The following EIF4E3 variants were observed in gnomAD, a reference collection of about 807,000 sequenced individuals.
EIF4E3 encodes eukaryotic translation initiation factor 4E family member 3, also known as eukaryotic translation initiation factor 4E type 3.
EIF4E3 carries 26 observed loss-of-function variants against 31.7 expected under a neutral mutation model. That is an observed-to-expected ratio of 0.82 (90% confidence interval 0.60 to 1.14). EIF4E3 has a LOEUF of 1.14. Ranked by LOEUF, EIF4E3 falls within the 50% of genes most tolerant of loss-of-function variation. EIF4E3 has a pLI of 0.00. For synonymous variants in EIF4E3, 128 were observed against 107.7 expected, an observed-to-expected ratio of 1.19 and a Z score of -1.17; for missense variants, 304 against 270.9, an observed-to-expected ratio of 1.12 and a Z score of -0.86.
At chr3:71,672,506 C>T (rs868096188), downstream of EIF4E3, among the ~76,000 whole-genome samples, 3 of 152,260 alleles carry the variant, frequency 2.0e-5, no homozygotes, top group Middle Eastern at 0.01. Context: ...GAAGATGGCT[C>T]TCAGATATCC....
At chr3:71,712,633 G>GGC (rs2049396195) in intron 1 of EIF4E3, among the ~76,000 whole-genome samples, 1 of 99,198 alleles carries the variant, frequency 1.0e-5, no homozygotes, top group Non-Finnish European at 2.0e-5. Context: ...TGTTGCGGGG[G>GGC]GTGGGCGGGG....
At chr3:71,668,721 C>T in the EIF4E3 span, among the ~76,000 whole-genome samples, 15 of 152,186 alleles carry the variant, frequency 9.9e-5, no homozygotes, top group Admixed American at 7.2e-4. Context: ...GTTAGAATGG[C>T]GATCATTAAA....
intron 1 of EIF4E3, among the ~76,000 whole-genome samples, chr3:71,714,273 A>AAGGAAGGAAG (rs1559602527): frequency 3.2e-5 from 4 of 125,280 alleles, no homozygotes; most frequent in East Asian, 2.1e-4. Context: ...AAGGAAGGAA[A>AAGGAAGGAAG]GAAGGAAGGA....
chr3:71,747,640 T>G (rs1039278727), intron 1 of EIF4E3, among the ~76,000 whole-genome samples: 2 of 152,196 alleles, frequency 1.3e-5, no homozygotes, highest in African/African-American at 4.8e-5. Flanking sequence ...AATTTATGTA[T>G]TTTTTTCTTT....
chr3:71,748,550 G>T (rs2049896057), intron 1 of EIF4E3, among the ~76,000 whole-genome samples: 1 of 152,158 alleles, frequency 6.6e-6, no homozygotes. Flanking sequence ...CTGCTGAGAA[G>T]AATACCTGTG....
intron 2 of EIF4E3, among the ~76,000 whole-genome samples, chr3:71,705,076 G>T (rs2049270681): frequency 6.6e-6 from 1 of 152,124 alleles, no homozygotes. Flanking sequence ...TCTCTTTTCA[G>T]TGTTGGCTTT....
At chr3:71,659,474 G>A in the EIF4E3 span, among the ~76,000 whole-genome samples, 3 of 152,196 alleles carry the variant, frequency 2.0e-5, no homozygotes, top group African/African-American at 7.2e-5. Context: ...TGTGACAGGG[G>A]CACAGATCGT....
At chr3:71,669,548 A>G in the EIF4E3 span, among the ~76,000 whole-genome samples, 1 of 152,244 alleles carries the variant, frequency 6.6e-6, no homozygotes, top group East Asian at 1.9e-4. Flanking sequence ...TGAAATATAC[A>G]AATGGATACG....
chr3:71,699,181 G>A (rs1267093974), intron 3 of EIF4E3, among the ~76,000 whole-genome samples: 1 of 151,978 alleles, frequency 6.6e-6, no homozygotes, highest in African/African-American at 2.4e-5. Context: ...GAGCCGTGAT[G>A]GTGCCACTGC....
At position 71,691,736 on chromosome 3, in the gene EIF4E3, C is replaced by A. The variant is rs544781489; in HGVS notation, c.473-1571G>T. Among the ~76,000 whole-genome samples, 3 of 152,308 alleles carry A rather than the reference C, an allele frequency of 2.0e-5. No homozygotes were observed. In the South Asian group the frequency reaches 6.2e-4, roughly 32 times the overall value. On this transcript the variant is annotated intron_variant, in intron 5 of 6. Coordinates refer to ENST00000425534, the MANE Select transcript of EIF4E3 (RefSeq NM_001134651.2). ...AACAAAAGAGTCAAAAAACATAGTA[C>A]CTTGTCATGGCCATTCACAGAAACT...
At chr3:71,694,667 T>C (rs1559592522) in intron 4 of EIF4E3, among the ~76,000 whole-genome samples, 1 of 152,176 alleles carries the variant, frequency 6.6e-6, no homozygotes, top group East Asian at 1.9e-4. Flanking sequence ...TTATCCTCCT[T>C]CCTGTGATTC....
intron 1 of EIF4E3, 27 bp from the exon 2 acceptor site, chr3:71,710,511 C>T: frequency 3.9e-6 from 6 of 1,551,230 alleles, no homozygotes; most frequent in South Asian, 1.2e-5. Flanking sequence ...AGGACAAAGA[C>T]ACAAACAAAA....
intron 1 of EIF4E3, among the ~76,000 whole-genome samples, chr3:71,714,271 AAAGAAGGAAG>A (rs2049429094): frequency 8.4e-6 from 1 of 118,810 alleles, no homozygotes; most frequent in African/African-American, 4.0e-5. Context: ...GGAAGGAAGG[AAAGAAGGAAG>A]GAAGGAAGGA....
At chr3:71,733,394 G>A (rs893439049) in intron 1 of EIF4E3, among the ~76,000 whole-genome samples, 13 of 152,134 alleles carry the variant, frequency 8.5e-5, no homozygotes, top group Non-Finnish European at 2.9e-5. Context: ...TTTCATTTAC[G>A]GTTCATAGAT....
intron 1 of EIF4E3, among the ~76,000 whole-genome samples, chr3:71,751,804 C>T (rs964667495): frequency 3.9e-5 from 6 of 152,072 alleles, no homozygotes; most frequent in Admixed American, 3.3e-4. Context: ...GCTGGGGCGT[C>T]GGCAGCCTAC....
At chr3:71,671,742 T>C (rs2048848653), downstream of EIF4E3, among the ~76,000 whole-genome samples, 1 of 151,992 alleles carries the variant, frequency 6.6e-6, no homozygotes, top group Admixed American at 6.5e-5. Flanking sequence ...GCTGCCCACA[T>C]ATTAAAGGAA....
In EIF4E3 at chr3:71,675,829, G is replaced by C. The variant is rs1047639318; in HGVS notation, c.*8853C>G. 3.3e-5 allele frequency: 5 copies of C among 152,110 alleles called. No individual in the cohort carries two copies. The highest frequency in any genetic ancestry group is 4.4e-5 in the Non-Finnish European group (3 of 68,012). 9.4% of individuals were successfully genotyped at this position (152,110 alleles called of 1,614,324 possible). A position where few individuals can be genotyped will look rare whatever the true frequency, so the allele number is the denominator to read the frequency against. On this transcript the variant is annotated 3_prime_UTR_variant, in exon 7 of 7. Coordinates refer to ENST00000425534, the MANE Select transcript of EIF4E3 (RefSeq NM_001134651.2). ...ACATCATATCTTCAACTTCCACCAA[G>C]GCAGCCTCACTGAAGAACAGGCTGG...
At chr3:71,753,745 G>C (rs1002625859), upstream of EIF4E3, 1 of 152,090 alleles carries the variant, frequency 6.6e-6, no homozygotes, top group African/African-American at 2.4e-5. Flanking sequence ...GGAGGAGTAG[G>C]AGGAGACGGA....
chr3:71,673,062 G>A (rs1009068603), downstream of EIF4E3, among the ~76,000 whole-genome samples: 7 of 152,120 alleles, frequency 4.6e-5, no homozygotes, highest in African/African-American at 1.7e-4. Context: ...TCTCCAGCTG[G>A]GTCATGGGAC....
Sources: gnomAD v4.1 joint callset for allele counts (sites outside exome capture counted in the v4.1 genomes callset) on GRCh38, gnomAD v4.1.1 for gene constraint, MANE v1.5 for transcripts, NCBI Gene and HGNC (gene_info 2026-07-23, HGNC 2026-07-21) for gene names.